ZNF184: variants seen among roughly 807,000 people sequenced by gnomAD.
The protein encoded by ZNF184 is zinc finger protein 184 (Kruppel-like).
A neutral mutation model predicts 54.4 loss-of-function variants in ZNF184; 16 were observed. That is an observed-to-expected ratio of 0.29 (90% CI 0.20 to 0.45). The LOEUF is 0.45. Ranked by LOEUF, ZNF184 falls within the 20% of genes least tolerant of loss-of-function variation. The probability of loss-of-function intolerance (pLI) is 1.00; values close to 1 mark genes in which losing one functional copy is unlikely to be tolerated. For synonymous variants in ZNF184, 254 were observed against 295.3 expected (o/e 0.86, Z 1.43); for missense variants, 681 against 888.2 (o/e 0.77, Z 2.97).
At chr6:27,407,903 G>A in the ZNF184 span, 16,005 of 968,594 alleles carry the variant, frequency 0.017, 378 homozygotes, top group African/African-American at 0.095. Context: ...GTGAAGATGA[G>A]CTGATTAACA....
chr6:27,407,883 C>T, the ZNF184 span: 3 of 845,242 alleles, frequency 3.5e-6, no homozygotes, highest in Non-Finnish European at 6.3e-6. Context: ...TGAACAGGCA[C>T]CACTAATGAG....
At position 27,463,975 on chromosome 6, in the gene ZNF184, C is replaced by T. The variant is rs150304395; in HGVS notation, c.75+3878G>A. ...CGACACCAGGGTTTCTCAACCTTGG[C>T]GCTATTGATATTTTGGACCAGATGA... On this transcript the variant is annotated intron_variant, in intron 3 of 5. Coordinates refer to ENST00000683788, the MANE Select transcript of ZNF184 (RefSeq NM_001318891.2). Among the ~76,000 whole-genome samples the T allele has an allele frequency of 1.2e-3, 178 of 151,350 alleles. 2 individuals carry two copies. In the Middle Eastern group the frequency reaches 0.017, roughly 15 times the overall value.
chr6:27,423,404 T>C, the ZNF184 span, among the ~76,000 whole-genome samples: 5 of 152,216 alleles, frequency 3.3e-5, no homozygotes, highest in African/African-American at 1.2e-4. Context: ...TTAGATTTTA[T>C]TCACATGTAT....
At chr6:27,412,222 A>G in the ZNF184 span, among the ~76,000 whole-genome samples, 5,426 of 152,270 alleles carry the variant, frequency 0.036, 201 homozygotes, top group African/African-American at 0.094. Flanking sequence ...ATAGTCTGCG[A>G]GGTTGCACGC....
the ZNF184 span, chr6:27,404,146 A>G: frequency 6.6e-6 from 1 of 152,356 alleles, no homozygotes; most frequent in South Asian, 2.1e-4. Context: ...ACAAGTTATG[A>G]TAACCTACAC....
the ZNF184 span, among the ~76,000 whole-genome samples, chr6:27,427,572 C>T: frequency 6.6e-6 from 1 of 152,272 alleles, no homozygotes; most frequent in Admixed American, 6.5e-5. Flanking sequence ...TCTCTAATCT[C>T]TTTCTGCTGC....
rs1762868209 is a variant in ZNF184, at chr6:27,456,858, A to G, written c.266T>C (p.Met89Thr). 1 of 1,614,168 alleles carries G rather than the reference A, an allele frequency of 6.2e-7. No individual in the cohort carries two copies. Among genetic ancestry groups the G allele is most frequent in the Non-Finnish European group, 8.5e-7 (1 of 1,180,028 alleles). The stretch of plus-strand genomic sequence containing the variant: ...GGTACCTACTGGAATGCTTGGCTCC[A>G]TGATCCATGGCTCTGTCCCTTGCTC... The part of the protein sequence containing the change: ...QLEQGTEPWI[M>T]EPSIPVGTCA... Residue 89 changes from methionine (M) to threonine (T), a missense_variant, in exon 5 of 6, where the codon ATG becomes ACG. Physicochemically the swap from Met to Thr is moderately conservative, Grantham distance 81. Transcript: ENST00000683788.
chr6:27,443,641 A>G, the ZNF184 span, among the ~76,000 whole-genome samples: 1 of 151,720 alleles, frequency 6.6e-6, no homozygotes, highest in Non-Finnish European at 1.5e-5. Context: ...AGTTTCAAGC[A>G]TTCCACTTCC....
At chr6:27,422,203 A>AGAAAGAAAGAAG in the ZNF184 span, among the ~76,000 whole-genome samples, 1 of 105,170 alleles carries the variant, frequency 9.5e-6, no homozygotes, top group Admixed American at 1.1e-4. Context: ...AAAGAAAGAA[A>AGAAAGAAAGAAG]GAAAGAAAGA....
the ZNF184 span, among the ~76,000 whole-genome samples, chr6:27,426,102 C>T: frequency 1.3e-5 from 2 of 152,170 alleles, no homozygotes; most frequent in African/African-American, 4.8e-5. This position sits in a 1 kb window ranked among gnomAD's most constrained non-coding sequence, Gnocchi z 4.2. Flanking sequence ...GTCACCATCA[C>T]CTATACAACT....
At chr6:27,442,868 AAGAAAGAAAG>A in the ZNF184 span, among the ~76,000 whole-genome samples, 1 of 75,110 alleles carries the variant, frequency 1.3e-5, no homozygotes, top group Non-Finnish European at 3.1e-5. Context: ...GAAAGAAAGA[AAGAAAGAAAG>A]AAAAAGAAAA....
intron 2 of ZNF184, among the ~76,000 whole-genome samples, chr6:27,470,929 G>C (rs543810208): frequency 4.6e-5 from 7 of 152,058 alleles, no homozygotes; most frequent in African/African-American, 9.7e-5. Flanking sequence ...AAAATCCACT[G>C]TAAAAAAGAC....
the ZNF184 span, among the ~76,000 whole-genome samples, chr6:27,424,906 C>T: frequency 1.3e-5 from 2 of 152,174 alleles, no homozygotes; most frequent in Non-Finnish European, 2.9e-5. Context: ...GCTCGGGCGG[C>T]ACAGGAGCCC....
At chr6:27,409,348 A>C in the ZNF184 span, among the ~76,000 whole-genome samples, 2 of 151,898 alleles carry the variant, frequency 1.3e-5, no homozygotes, top group Non-Finnish European at 2.9e-5. Flanking sequence ...AAATACAAAA[A>C]ATTAGCCGGG....
chr6:27,458,026 A>G (rs1762903547), intron 3 of ZNF184, among the ~76,000 whole-genome samples: 1 of 152,164 alleles, frequency 6.6e-6, no homozygotes, highest in Non-Finnish European at 1.5e-5. Flanking sequence ...AAATCATGCC[A>G]TAACAAACGA....
the ZNF184 span, among the ~76,000 whole-genome samples, chr6:27,431,077 A>AAAAG: frequency 6.6e-6 from 1 of 152,296 alleles, no homozygotes; most frequent in African/African-American, 2.4e-5. Context: ...GAGGTCCCTG[A>AAAAG]AAATACCTTA....
In ZNF184 at chr6:27,451,642, T is replaced by G. The variant is rs773364110; in HGVS notation, c.1917A>C (p.Glu639Asp). The G allele has an allele frequency of 6.2e-7, 1 of 1,614,156 alleles. No homozygotes were observed. Among genetic ancestry groups the G allele is most frequent in the Non-Finnish European group, 8.5e-7 (1 of 1,180,008 alleles). Residue 639 changes from glutamate to aspartate, a missense_variant, in exon 6 of 6, where the codon GAA becomes GAC. Glu to Asp is a conservative substitution (Grantham distance 45). Coordinates refer to ENST00000683788, the MANE Select transcript of ZNF184 (RefSeq NM_001318891.2). ...LAQHQKTHTE[E>D]KPYQCNKCEK... ...CACATTTATTACACTGGTAGGGTTT[T>G]TCTTCTGTGTGAGTTTTTTGATGTT...
At chr6:27,423,552 AT>A in the ZNF184 span, among the ~76,000 whole-genome samples, 1 of 151,902 alleles carries the variant, frequency 6.6e-6, no homozygotes, top group African/African-American at 2.4e-5. Context: ...TTCCCCCAAC[AT>A]TTTCCTTGCT....
At chr6:27,457,001 T>C (rs896393481) in intron 4 of ZNF184, 80 bp from the exon 5 acceptor site, 19 of 1,330,588 alleles carry the variant, frequency 1.4e-5, no homozygotes, top group Middle Eastern at 1.9e-4. Context: ...ACTTTGTCTT[T>C]AGAAGAAATG....
Sources: gnomAD v4.1 joint callset for allele counts (sites outside exome capture counted in the v4.1 genomes callset) on GRCh38, gnomAD v4.1.1 for gene constraint, Gnocchi (gnomAD v3.1) non-coding constraint, MANE v1.5 for transcripts, NCBI Gene and HGNC (gene_info 2026-07-23, HGNC 2026-07-21) for gene names.